Variants in DAB1 observed in about 807,000 individuals in gnomAD.
DAB1 encodes the protein disabled homolog 1.
Under a neutral mutation model 64.6 loss-of-function variants are expected in DAB1, and 15 were observed. The observed-to-expected ratio is 0.23, with a 90% CI of 0.16 to 0.36. DAB1 has a LOEUF of 0.36. Ranked by LOEUF, DAB1 falls within the 10% of genes least tolerant of loss-of-function variation. The pLI is 1.00. For synonymous variants in DAB1, 235 were observed against 251.9 expected (o/e 0.93, Z 0.64); for missense variants, 596 against 706.7 (o/e 0.84, Z 1.78).
rs559753056 is a variant in DAB1, at chr1:58,316,335, G to A, written n.309+27017C>T. ...TTGCTTACTTACTGGCACACAACAG[G>A]TGGTATGCAAATATTTATTTAAAAT... On this transcript the variant is annotated intron_variant and non_coding_transcript_variant, in intron 4 of 20. Coordinates refer to the DAB1 transcript ENST00000485760. Among the ~76,000 whole-genome samples the A allele has an allele frequency of 8.8e-4, 134 of 152,322 alleles. 1 individual carries two copies. Among genetic ancestry groups the A allele is most frequent in the Non-Finnish European group, 1.1e-3 (78 of 68,030 alleles).
chr1:58,275,028 C>T (rs1426967799), intron 4 of DAB1, among the ~76,000 whole-genome samples: 1 of 152,176 alleles, frequency 6.6e-6, no homozygotes, highest in Non-Finnish European at 1.5e-5. Flanking sequence ...CTTGGCTCCT[C>T]CCCCTATACT....
chr1:57,793,431 A>C (rs1458364227), intron 6 of DAB1, among the ~76,000 whole-genome samples: 1 of 152,208 alleles, frequency 6.6e-6, no homozygotes, highest in African/African-American at 2.4e-5. Context: ...GGAAGTACCT[A>C]GAAAGTCATG....
chr1:58,492,318 A>G lies in DAB1; in HGVS notation n.257+13742T>C, dbSNP rs1361148607. Among the ~76,000 whole-genome samples, 5 of 152,232 alleles carry G rather than the reference A, an allele frequency of 3.3e-5. No individual in the cohort carries two copies. In the East Asian group the frequency reaches 9.6e-4, roughly 29 times the overall value. ...ATGCTCACAAAAGAAAGCAGGAAAG[A>G]TCTAAAATTGACACCCTAACATCAC... is the stretch of plus-strand genomic sequence containing the variant. On this transcript the variant is annotated intron_variant and non_coding_transcript_variant, in intron 3 of 20. Transcript: ENST00000485760.
intron 5 of DAB1, among the ~76,000 whole-genome samples, chr1:58,059,837 C>T (rs968987655): frequency 1.6e-4 from 24 of 152,210 alleles, no homozygotes; most frequent in African/African-American, 5.5e-4. Flanking sequence ...CAGGGTTACA[C>T]AGCTAGGAAA....
chr1:58,311,899 T>A (rs61781884), intron 4 of DAB1, among the ~76,000 whole-genome samples: 20,806 of 152,082 alleles, frequency 0.14, 1,612 homozygotes, highest in South Asian at 0.28. Context: ...GATGCTCTTA[T>A]TACACCCATT....
chr1:57,489,337 G>T (rs2101270181), intron 7 of DAB1, among the ~76,000 whole-genome samples: 1 of 152,232 alleles, frequency 6.6e-6, no homozygotes, highest in East Asian at 1.9e-4. Context: ...TCCCTCTGTG[G>T]TCTTAGCTAT....
chr1:57,575,976 C>A (rs1645245051), intron 7 of DAB1, among the ~76,000 whole-genome samples: 1 of 152,254 alleles, frequency 6.6e-6, no homozygotes, highest in Admixed American at 6.5e-5. Context: ...CTTCAGAATG[C>A]AAGCTTATTT....
At chr1:58,178,205 A>T (rs1256956750) in intron 4 of DAB1, among the ~76,000 whole-genome samples, 1 of 152,184 alleles carries the variant, frequency 6.6e-6, no homozygotes, top group East Asian at 1.9e-4. Flanking sequence ...AACCATTTGG[A>T]CATATTTGCC....
chr1:58,176,531 C>A (rs1465337910), intron 4 of DAB1, among the ~76,000 whole-genome samples: 3 of 152,072 alleles, frequency 2.0e-5, no homozygotes, highest in African/African-American at 7.2e-5. Context: ...CTGGGAAAAC[C>A]AATATCAAGG....
chr1:57,365,440 T>G (rs1007668394), intron 1 of DAB1, among the ~76,000 whole-genome samples: 1 of 148,218 alleles, frequency 6.7e-6, no homozygotes, highest in African/African-American at 2.5e-5. Flanking sequence ...ACAATAAAAC[T>G]ATATATTCTT....
At chr1:58,415,808 C>CA (rs1644714185) in intron 3 of DAB1, among the ~76,000 whole-genome samples, 1 of 152,194 alleles carries the variant, frequency 6.6e-6, no homozygotes, top group Admixed American at 6.5e-5. Context: ...GCACCTGCCT[C>CA]AGCAGCCAGA....
chr1:58,363,679 G>C (rs1644187959), intron 3 of DAB1, among the ~76,000 whole-genome samples: 1 of 152,204 alleles, frequency 6.6e-6, no homozygotes, highest in East Asian at 1.9e-4. Flanking sequence ...GCATAATTAA[G>C]ACAGACACTG....
intron 7 of DAB1, among the ~76,000 whole-genome samples, chr1:57,492,683 C>A (rs1167176275): frequency 6.6e-6 from 1 of 152,104 alleles, no homozygotes; most frequent in African/African-American, 2.4e-5. Flanking sequence ...ACAGGAAAAC[C>A]CTGGTTTCAA....
At chr1:57,321,616 G>A (rs886338721) in intron 1 of DAB1, among the ~76,000 whole-genome samples, 22 of 152,160 alleles carry the variant, frequency 1.4e-4, no homozygotes, top group Admixed American at 6.5e-5. Flanking sequence ...ATAAAAAGCA[G>A]GTGATACAGT....
chr1:58,449,274 C>G (rs181542379), intron 3 of DAB1, among the ~76,000 whole-genome samples: 2 of 152,300 alleles, frequency 1.3e-5, no homozygotes, highest in Admixed American at 1.3e-4. Flanking sequence ...CTTGGGTCCT[C>G]TTGGACTTGA....
chr1:57,339,248 T>G (rs1677367357), intron 1 of DAB1, among the ~76,000 whole-genome samples: 1 of 152,010 alleles, frequency 6.6e-6, no homozygotes, highest in Admixed American at 6.6e-5. Flanking sequence ...CTCCGCCTCT[T>G]GGGTTCATGC....
At chr1:57,707,746 C>T (rs1351501760) in intron 6 of DAB1, among the ~76,000 whole-genome samples, 1 of 152,074 alleles carries the variant, frequency 6.6e-6, no homozygotes, top group African/African-American at 2.4e-5. Flanking sequence ...TGTACTCATC[C>T]TTCTTAAGAG....
intron 4 of DAB1, among the ~76,000 whole-genome samples, chr1:58,313,046 C>T (rs1373042672): frequency 2.0e-5 from 3 of 152,050 alleles, no homozygotes; most frequent in African/African-American, 7.2e-5. Flanking sequence ...TGATCCCAGA[C>T]CCCAGCATTA....
chr1:57,813,881 T>C (rs754665687), intron 6 of DAB1, among the ~76,000 whole-genome samples: 5 of 152,152 alleles, frequency 3.3e-5, no homozygotes, highest in East Asian at 1.9e-4. Context: ...GTCCACAACT[T>C]AGAAAAATGA....
Sources: allele counts gnomAD v4.1 joint callset (sites outside exome capture counted in the v4.1 genomes callset), GRCh38; gene constraint gnomAD v4.1.1; transcripts MANE v1.5; gene names NCBI Gene and HGNC (gene_info 2026-07-23, HGNC 2026-07-21).